Variants in TRPM3 observed in about 807,000 individuals in gnomAD.
TRPM3 encodes long transient receptor potential channel 3.
A neutral mutation model predicts 181.2 loss-of-function variants in TRPM3; 77 were observed. That is an observed-to-expected ratio of 0.42 (90% CI 0.35 to 0.51). The LOEUF is 0.51. TRPM3 is among the 20% of genes least tolerant of loss of function. The pLI, the probability that TRPM3 is intolerant of heterozygous loss-of-function variation, is 0.01. For missense variants in TRPM3, 1,759 were observed against 2,196.7 expected, an observed-to-expected ratio of 0.80 and a Z score of 3.98; for synonymous variants, 745 against 796.4, an observed-to-expected ratio of 0.94 and a Z score of 1.09.
In TRPM3 at chr9:71,103,139, C is replaced by T. The variant is rs190769333; in HGVS notation, c.177+18039G>A. ...AAATAAAATGGATAGTCACTGTGGT[C>T]ATTTTAAAAGGCCCATCCTCAATAA... On this transcript the variant is annotated intron_variant, in intron 1 of 25. Coordinates refer to ENST00000677713, the MANE Select transcript of TRPM3 (RefSeq NM_001366145.2). Among the ~76,000 whole-genome samples, 40 of 152,256 alleles carry T rather than the reference C, an allele frequency of 2.6e-4. 1 individual carries two copies. Among genetic ancestry groups the T allele is most frequent in the East Asian group, 2.1e-3 (11 of 5,176 alleles).
Position 70,687,398 on chromosome 9 carries a change from C to G in TRPM3, c.1273-5820G>C, listed in dbSNP as rs555793615. On this transcript the variant is annotated intron_variant, in intron 8 of 25. Coordinates refer to ENST00000677713, the MANE Select transcript of TRPM3 (RefSeq NM_001366145.2). ...CATTTTGTAGGTGATTTAGTAAAGTCTGATATTTATTTACTATAAAATTGG... is the reference window on the plus strand; with the variant it reads ...CATTTTGTAGGTGATTTAGTAAAGTGTGATATTTATTTACTATAAAATTGG... Among the ~76,000 whole-genome samples, 199 of 152,250 alleles carry G rather than the reference C, an allele frequency of 1.3e-3. 1 individual carries two copies. The highest frequency in any genetic ancestry group is 4.7e-3 in the African/African-American group (195 of 41,542).
At chr9:70,859,619 C>CTTAAGCAATTAAA (rs1782128535) in intron 3 of TRPM3, among the ~76,000 whole-genome samples, 1 of 152,078 alleles carries the variant, frequency 6.6e-6, no homozygotes, top group Non-Finnish European at 1.5e-5. Context: ...AGCAATTGCA[C>CTTAAGCAATTAAA]AAGTATTTTA....
In TRPM3 at chr9:70,916,949, G is replaced by A. The variant is rs1048560659; in HGVS notation, c.178-52438C>T. 7 of 1,339,818 alleles carry A rather than the reference G, an allele frequency of 5.2e-6. No homozygotes were observed. The East Asian group carries it at 9.2e-5, about 18-fold the overall frequency. 83.0% of individuals were successfully genotyped at this position (1,339,818 alleles called of 1,614,324 possible). On this transcript the variant is annotated intron_variant, in intron 1 of 25. Coordinates refer to ENST00000677713, the MANE Select transcript of TRPM3 (RefSeq NM_001366145.2). ...ATACTGATGGTGGCACTGCAAATTG[G>A]CTTAGGCTTTCTAGTGAACAATCTG...
chr9:71,274,478 A>T (rs779968705), intron 1 of TRPM3, among the ~76,000 whole-genome samples: 1 of 152,148 alleles, frequency 6.6e-6, no homozygotes, highest in Non-Finnish European at 1.5e-5. Flanking sequence ...ATTTATACAG[A>T]CAGTTAAGGG....
chr9:71,152,687 C>T (rs1215579665), intron 1 of TRPM3, among the ~76,000 whole-genome samples: 1 of 152,080 alleles, frequency 6.6e-6, no homozygotes, highest in Non-Finnish European at 1.5e-5. Flanking sequence ...CCAAGGTTGT[C>T]CAAGGTTGAG....
chr9:70,770,633 AGT>A (rs2080046669), intron 7 of TRPM3, among the ~76,000 whole-genome samples: 1 of 152,178 alleles, frequency 6.6e-6, no homozygotes, highest in African/African-American at 2.4e-5. Context: ...TTTATTTACC[AGT>A]GAGGGATCTG....
chr9:71,211,749 A>G (rs1490677900), intron 1 of TRPM3, among the ~76,000 whole-genome samples: 3 of 152,160 alleles, frequency 2.0e-5, no homozygotes, highest in Non-Finnish European at 4.4e-5. Flanking sequence ...CCTTTTTATA[A>G]GAACATCAGC....
intron 1 of TRPM3, among the ~76,000 whole-genome samples, chr9:71,198,217 T>C (rs1268326071): frequency 6.6e-6 from 1 of 152,168 alleles, no homozygotes; most frequent in Non-Finnish European, 1.5e-5. Context: ...CTCTGTTCTG[T>C]TCCATTGATC....
intron 1 of TRPM3, among the ~76,000 whole-genome samples, chr9:71,286,129 G>T (rs550262443): frequency 6.6e-6 from 1 of 152,280 alleles, no homozygotes; most frequent in Non-Finnish European, 1.5e-5. Context: ...GAGATCTTCA[G>T]AATTTCCTTT....
intron 1 of TRPM3, among the ~76,000 whole-genome samples, chr9:71,306,194 A>AT (rs1218043756): frequency 6.6e-6 from 1 of 152,222 alleles, no homozygotes; most frequent in Non-Finnish European, 1.5e-5. Flanking sequence ...AGTTTAGAAG[A>AT]TGAAAAAAGA....
At chr9:71,413,040 T>C (rs1057392262) in intron 1 of TRPM3, among the ~76,000 whole-genome samples, 9 of 151,508 alleles carry the variant, frequency 5.9e-5, no homozygotes, top group Non-Finnish European at 4.4e-5. Context: ...TAGGTGGGAA[T>C]TGAACAATGA....
At chr9:71,032,203 A>ACTATATATT (rs2057610873) in intron 1 of TRPM3, among the ~76,000 whole-genome samples, 5 of 129,014 alleles carry the variant, frequency 3.9e-5, no homozygotes, top group Admixed American at 9.7e-5. Flanking sequence ...TATAATATAT[A>ACTATATATT]ATATATAGCA....
chr9:70,910,320 A>G (rs2096525546), intron 1 of TRPM3, among the ~76,000 whole-genome samples: 2 of 152,192 alleles, frequency 1.3e-5, no homozygotes, highest in South Asian at 2.1e-4. Context: ...CTGTTTTTAT[A>G]AAGTTTGGAA....
At chr9:70,540,680 G>A (rs572901546) in intron 25 of TRPM3, among the ~76,000 whole-genome samples, 1 of 152,294 alleles carries the variant, frequency 6.6e-6, no homozygotes, top group Non-Finnish European at 1.5e-5. Flanking sequence ...AGACAGCCTG[G>A]ACAACATAGG....
chr9:70,919,229 C>T (rs1449280023), intron 1 of TRPM3, among the ~76,000 whole-genome samples: 3 of 152,178 alleles, frequency 2.0e-5, no homozygotes. Flanking sequence ...GAAATCAAGG[C>T]TCTCCTCTGT....
chr9:70,953,635 A>G (rs1186001033), intron 1 of TRPM3, among the ~76,000 whole-genome samples: 1 of 152,116 alleles, frequency 6.6e-6, no homozygotes, highest in African/African-American at 2.4e-5. Context: ...TTGGTTACAA[A>G]CCCAAGAATT....
intron 1 of TRPM3, among the ~76,000 whole-genome samples, chr9:71,233,729 T>G (rs2081203985): frequency 6.6e-6 from 1 of 152,230 alleles, no homozygotes; most frequent in Non-Finnish European, 1.5e-5. Flanking sequence ...GAAAGACTTC[T>G]AGAGCTTGCA....
intron 1 of TRPM3, among the ~76,000 whole-genome samples, chr9:71,352,181 GAGA>G (rs1455127243): frequency 3.3e-5 from 5 of 152,128 alleles, no homozygotes; most frequent in Non-Finnish European, 4.4e-5. Context: ...GGCTGGAAAT[GAGA>G]AGATCTTTTA....
chr9:71,412,551 C>A (rs1025466138), intron 1 of TRPM3, among the ~76,000 whole-genome samples: 2 of 152,140 alleles, frequency 1.3e-5, no homozygotes, highest in Non-Finnish European at 2.9e-5. Flanking sequence ...CAATGAGATA[C>A]CATCTCACAC....
Sources: allele counts gnomAD v4.1 joint callset (sites outside exome capture counted in the v4.1 genomes callset), GRCh38; gene constraint gnomAD v4.1.1; transcripts MANE v1.5; gene names NCBI Gene and HGNC (gene_info 2026-07-23, HGNC 2026-07-21).